Variants in RNF4 observed in about 807,000 individuals in gnomAD.
The protein encoded by RNF4 is ring finger protein 4.
In RNF4, 7 loss-of-function variants were observed where a neutral mutation model predicts 24.3. The ratio of observed to expected loss-of-function variants is 0.29; its 90% CI spans 0.16 to 0.54. The LOEUF (loss-of-function observed/expected upper bound fraction) is 0.54. Among genes scored for constraint, RNF4 ranks in the 20% least tolerant of loss-of-function variants. The pLI is 0.95. For synonymous variants in RNF4, 83 were observed against 84.3 expected (o/e 0.98, Z 0.09); for missense variants, 209 against 248.5 (o/e 0.84, Z 1.07).
chr4:2,489,108 C>T (rs571906586), intron 1 of RNF4, among the ~76,000 whole-genome samples: 3 of 152,140 alleles, frequency 2.0e-5, no homozygotes, highest in Non-Finnish European at 2.9e-5. Flanking sequence ...CTACTACACC[C>T]GGCCGATGCC....
In RNF4 at chr4:2,474,318, C is replaced by T. The variant is rs142127137; in HGVS notation, c.-158+5060C>T. Among the ~76,000 whole-genome samples the T allele has an allele frequency of 2.0e-3, 305 of 149,636 alleles. 8 individuals are homozygous for T. In the East Asian group the frequency reaches 0.058, roughly 28 times the overall value. ...GCTTGAACCCAGGAGGCAGAGGTTG[C>T]AGCGAGCCGAAATCACGCCATTGCA... is the stretch of plus-strand genomic sequence containing the variant. On this transcript the variant is annotated intron_variant, in intron 1 of 7. Transcript: ENST00000314289.
intron 1 of RNF4, among the ~76,000 whole-genome samples, chr4:2,476,323 T>C (rs1000915934): frequency 2.0e-5 from 3 of 152,184 alleles, no homozygotes; most frequent in African/African-American, 7.2e-5. Context: ...CTCTTGCAAG[T>C]TGAAAAGTTG....
intron 1 of RNF4, among the ~76,000 whole-genome samples, chr4:2,473,006 C>T (rs1189289641): frequency 6.6e-6 from 1 of 151,666 alleles, no homozygotes; most frequent in African/African-American, 2.4e-5. Context: ...CACCACTGCA[C>T]TCCAGCCTGG....
chr4:2,482,694 T>C (rs1404807705), intron 1 of RNF4, among the ~76,000 whole-genome samples: 2 of 152,214 alleles, frequency 1.3e-5, no homozygotes, highest in Non-Finnish European at 2.9e-5. Context: ...AAGACCTGGT[T>C]ACTTGGCATC....
At chr4:2,506,910 T>G (rs1388230844) in intron 4 of RNF4, among the ~76,000 whole-genome samples, 1 of 152,296 alleles carries the variant, frequency 6.6e-6, no homozygotes, top group East Asian at 1.9e-4. Flanking sequence ...TGCCAGTCTC[T>G]GCTCTGGCTA....
At chr4:2,494,287 G>A (rs994020573) in intron 2 of RNF4, among the ~76,000 whole-genome samples, 4 of 151,100 alleles carry the variant, frequency 2.6e-5, no homozygotes, top group African/African-American at 4.9e-5. Flanking sequence ...AACTTGATGT[G>A]TTTACTCTGC....
intron 3 of RNF4, chr4:2,497,332 G>T: frequency 5.3e-6 from 2 of 378,836 alleles, no homozygotes; most frequent in Non-Finnish European, 9.5e-6. Context: ...AGTGGGGTAG[G>T]ATCCATTTAA....
intron 1 of RNF4, chr4:2,480,007 C>G (rs536076824): frequency 6.6e-6 from 1 of 152,182 alleles, no homozygotes; most frequent in Non-Finnish European, 1.5e-5. Flanking sequence ...ATAACTCACT[C>G]TAGCCTCAAC....
intron 4 of RNF4, among the ~76,000 whole-genome samples, chr4:2,502,700 C>A (rs1735951943): frequency 6.7e-6 from 1 of 150,032 alleles, no homozygotes; most frequent in Non-Finnish European, 1.5e-5. Context: ...AAAAATTAGC[C>A]AGGTGTGATG....
Position 2,514,240 on chromosome 4 carries a change from G to C in RNF4, c.*421G>C, listed in dbSNP as rs1174725467. On this transcript the variant is annotated 3_prime_UTR_variant, in exon 8 of 8. Coordinates refer to ENST00000314289, the MANE Select transcript of RNF4 (RefSeq NM_002938.5). Reference sequence around the variant, plus strand: ...GCCACACATTGACCAAGCCAGACCCGGTTCACCCAGCTCGAGGATCCCAGG... The same window carrying C: ...GCCACACATTGACCAAGCCAGACCCCGTTCACCCAGCTCGAGGATCCCAGG... 1 of 192,238 alleles carries C rather than the reference G, an allele frequency of 5.2e-6. No individual in the cohort carries two copies. The highest frequency in any genetic ancestry group is 2.3e-5 in the African/African-American group (1 of 43,190). 11.9% of individuals were successfully genotyped at this position (192,238 alleles called of 1,614,324 possible).
At chr4:2,486,532 C>G (rs1735413643) in intron 1 of RNF4, among the ~76,000 whole-genome samples, 1 of 152,136 alleles carries the variant, frequency 6.6e-6, no homozygotes. Flanking sequence ...GAGAGAAAAA[C>G]CAGATTTGGG....
intron 3 of RNF4, 45 bp from the exon 4 acceptor site, chr4:2,500,614 C>T: frequency 3.8e-6 from 6 of 1,595,588 alleles, no homozygotes; most frequent in Non-Finnish European, 5.1e-6. Flanking sequence ...TACAACCTTA[C>T]TTTCCTCTTA....
At chr4:2,487,775 A>G (rs893828400) in intron 1 of RNF4, among the ~76,000 whole-genome samples, 1 of 152,174 alleles carries the variant, frequency 6.6e-6, no homozygotes, top group African/African-American at 2.4e-5. Flanking sequence ...GGGCCAGCCT[A>G]AGGAGATGCA....
chr4:2,476,690 C>T (rs73205500), intron 1 of RNF4, among the ~76,000 whole-genome samples: 1 of 150,064 alleles, frequency 6.7e-6, no homozygotes, highest in Non-Finnish European at 1.5e-5. Context: ...CACGTCCAGC[C>T]CTTTTCTTTC....
intron 4 of RNF4, chr4:2,506,180 T>G (rs73078314): frequency 1.5e-5 from 2 of 129,532 alleles, no homozygotes; most frequent in Admixed American, 1.9e-4. Flanking sequence ...GCAAACCATT[T>G]GTTGTTTTCT....
intron 1 of RNF4, among the ~76,000 whole-genome samples, chr4:2,471,482 C>T (rs1337220011): frequency 1.4e-5 from 2 of 138,612 alleles, no homozygotes; most frequent in Non-Finnish European, 3.3e-5. Context: ...CCTACAGTGT[C>T]CAGGCAAAAG....
At chr4:2,485,420 CGTCCATCCGA>C (rs1172908863) in intron 1 of RNF4, among the ~76,000 whole-genome samples, 8 of 152,314 alleles carry the variant, frequency 5.3e-5, no homozygotes, top group African/African-American at 7.2e-5. Flanking sequence ...GAAATCTCTA[CGTCCATCCGA>C]GTTCTCACTC....
chr4:2,508,400 C>G lies in RNF4; in HGVS notation c.205-3556C>G, dbSNP rs570725346. Among the ~76,000 whole-genome samples, 5 of 152,276 alleles carry G rather than the reference C, an allele frequency of 3.3e-5. No homozygotes were observed. The East Asian group carries it at 9.7e-4, about 29-fold the overall frequency. ...TCTGTGCTGGGCAAGTACTGTGCCA[C>G]CTGCAGGGCCATAGCTGTGATTTAG... On this transcript the variant is annotated intron_variant, in intron 4 of 7. Transcript: ENST00000314289.
intron 1 of RNF4, chr4:2,480,272 C>CTTTTTT (rs34449919): frequency 7.6e-6 from 1 of 131,292 alleles, no homozygotes; most frequent in Non-Finnish European, 1.6e-5. Flanking sequence ...TTCATTCATT[C>CTTTTTT]TTTTTTTTTT....
Sources: gnomAD v4.1 joint callset for allele counts (sites outside exome capture counted in the v4.1 genomes callset) on GRCh38, gnomAD v4.1.1 for gene constraint, MANE v1.5 for transcripts, NCBI Gene and HGNC (gene_info 2026-07-23, HGNC 2026-07-21) for gene names.